Variants in MTUS2 observed in about 807,000 individuals in gnomAD.
MTUS2 encodes the protein microtubule associated scaffold protein 2, also known as microtubule-associated tumor suppressor candidate 2.
In MTUS2, 40 loss-of-function variants were observed where a neutral mutation model predicts 114.1. The observed-to-expected ratio is 0.35, with a 90% confidence interval of 0.27 to 0.46. MTUS2 has a LOEUF of 0.46. Ranked by LOEUF, MTUS2 falls within the 20% of genes least tolerant of loss-of-function variation. MTUS2 has a pLI of 1.00. For synonymous variants in MTUS2, 688 were observed against 672.0 expected (o/e 1.02, Z -0.37); for missense variants, 1,679 against 1,705.4 (o/e 0.98, Z 0.27).
At chr13:28,920,131 T>C (rs1880964963) in intron 2 of MTUS2, among the ~76,000 whole-genome samples, 1 of 152,216 alleles carries the variant, frequency 6.6e-6, no homozygotes, top group Admixed American at 6.5e-5. Flanking sequence ...TGCTTATAGA[T>C]GTTCATCAGT....
chr13:29,307,363 TG>T, intron 6 of MTUS2: 1 of 766,832 alleles, frequency 1.3e-6, no homozygotes, highest in Non-Finnish European at 2.3e-6. Context: ...CAGGAGACTG[TG>T]GTGTGATAGC....
At chr13:29,201,955 C>G (rs1056865341) in intron 5 of MTUS2, among the ~76,000 whole-genome samples, 1 of 152,142 alleles carries the variant, frequency 6.6e-6, no homozygotes, top group Non-Finnish European at 1.5e-5. Context: ...TTCATTTCAA[C>G]CTTGGTGAAT....
At chr13:29,459,395 C>T (rs568591151) in intron 9 of MTUS2, among the ~76,000 whole-genome samples, 50 of 152,210 alleles carry the variant, frequency 3.3e-4, no homozygotes, top group South Asian at 4.2e-4. Context: ...GATTATAATT[C>T]GGAAGTGTGT....
chr13:28,873,222 G>A (rs1877727372), intron 2 of MTUS2, among the ~76,000 whole-genome samples: 1 of 152,174 alleles, frequency 6.6e-6, no homozygotes, highest in Admixed American at 6.5e-5. Context: ...ACATGTTTGA[G>A]TTCCTTGAAC....
chr13:29,129,691 A>C (rs1199560623), intron 5 of MTUS2, among the ~76,000 whole-genome samples: 1 of 152,110 alleles, frequency 6.6e-6, no homozygotes, highest in East Asian at 1.9e-4. Context: ...ATGATACGTG[A>C]TTGTGAGTGA....
At chr13:29,019,838 C>T (rs1428213177) in intron 2 of MTUS2, among the ~76,000 whole-genome samples, 1 of 152,238 alleles carries the variant, frequency 6.6e-6, no homozygotes, top group African/African-American at 2.4e-5. Flanking sequence ...CCTGGTGCTA[C>T]ACGGTGTACT....
chr13:28,857,355 G>T (rs1161462), intron 2 of MTUS2, among the ~76,000 whole-genome samples: 98,432 of 152,032 alleles, frequency 0.65, 35,106 homozygotes, highest in Non-Finnish European at 0.79. Flanking sequence ...TTCCTAGAGG[G>T]ATGGAAGATC....
At chr13:29,265,173 A>G (rs893562674) in intron 5 of MTUS2, among the ~76,000 whole-genome samples, 1 of 152,224 alleles carries the variant, frequency 6.6e-6, no homozygotes, top group East Asian at 1.9e-4. Flanking sequence ...AATTCTATAA[A>G]TCATCACTCC....
rs112719910 is a variant in MTUS2, at chr13:28,823,355, C to G, written c.-316+2744C>G. 4.7e-3 allele frequency among the ~76,000 whole-genome samples: 712 copies of G among 152,334 alleles called. 3 individuals are homozygous for G. Among genetic ancestry groups the G allele is most frequent in the Non-Finnish European group, 8.3e-3 (567 of 68,026 alleles). Reference sequence around the variant, plus strand: ...TGAGCAAGTGGGAGGCTTATAATATCTACCACACACATGTTTGAAACGAGT... The same window carrying G: ...TGAGCAAGTGGGAGGCTTATAATATGTACCACACACATGTTTGAAACGAGT... On this transcript the variant is annotated intron_variant, in intron 1 of 15. Transcript: ENST00000612955.
intron 11 of MTUS2, among the ~76,000 whole-genome samples, chr13:29,491,306 G>A (rs1034126336): frequency 9.3e-5 from 14 of 150,738 alleles, no homozygotes; most frequent in African/African-American, 2.7e-4. Flanking sequence ...GTGTGCAGGC[G>A]TGGCAGGTTA....
intron 8 of MTUS2, among the ~76,000 whole-genome samples, chr13:29,400,907 A>G (rs1874284852): frequency 6.6e-6 from 1 of 152,202 alleles, no homozygotes; most frequent in Admixed American, 6.5e-5. Context: ...CAGATTGTTC[A>G]TCTTTTGCAT....
At chr13:29,469,846 TA>T (rs542041385) in intron 9 of MTUS2, among the ~76,000 whole-genome samples, 37 of 148,560 alleles carry the variant, frequency 2.5e-4, no homozygotes, top group East Asian at 1.4e-3. Context: ...TTAGTTTTTT[TA>T]AAAAAAAAAG....
At chr13:29,115,095 AT>A (rs1024453188) in intron 5 of MTUS2, among the ~76,000 whole-genome samples, 3 of 152,084 alleles carry the variant, frequency 2.0e-5, no homozygotes, top group Non-Finnish European at 4.4e-5. Context: ...TGAAATGTAG[AT>A]TTTTTTTATC....
intron 4 of MTUS2, among the ~76,000 whole-genome samples, chr13:29,038,545 G>T (rs1458141758): frequency 6.6e-6 from 1 of 152,234 alleles, no homozygotes; most frequent in East Asian, 1.9e-4. Flanking sequence ...GAGGCAGTCT[G>T]ACCCTTAGCA....
intron 5 of MTUS2, among the ~76,000 whole-genome samples, chr13:29,206,168 T>C (rs1895177245): frequency 6.6e-6 from 1 of 152,246 alleles, no homozygotes; most frequent in African/African-American, 2.4e-5. Flanking sequence ...TTAGTGATGA[T>C]GAACATTTTT....
intron 5 of MTUS2, among the ~76,000 whole-genome samples, chr13:29,190,371 A>G (rs902557905): frequency 2.6e-5 from 4 of 152,244 alleles, no homozygotes; most frequent in African/African-American, 9.6e-5. Context: ...AAACTGAGGC[A>G]AAGAAAACCT....
Position 29,359,295 on chromosome 13 carries a change from A to G in MTUS2, c.2939A>G (p.Asn980Ser). Residue 980 changes from asparagine to serine, a missense_variant, in exon 8 of 16, where the codon AAT becomes AGT. By Grantham distance (46) the Asn-to-Ser change is conservative. Coordinates refer to ENST00000612955, the MANE Select transcript of MTUS2 (RefSeq NM_001033602.4). ...AAGCAGAGGACTGCGGCAGCTCGAA[A>G]TGGGTTTCCGCCCAAGCCGGACCCG... ...YPKQRTAAARNGFPPKPDPQA... is the reference protein window; with the variant it reads ...YPKQRTAAARSGFPPKPDPQA... 1 of 1,607,094 alleles carries G rather than the reference A, an allele frequency of 6.2e-7. No individual in the cohort carries two copies.
intron 1 of MTUS2, among the ~76,000 whole-genome samples, chr13:28,825,854 C>T (rs1429005172): frequency 2.0e-5 from 3 of 152,168 alleles, no homozygotes; most frequent in African/African-American, 7.2e-5. Flanking sequence ...ATCACAGCAG[C>T]TTGAGTGAGC....
At chr13:29,283,636 G>C (rs1272163094) in intron 6 of MTUS2, among the ~76,000 whole-genome samples, 3 of 152,176 alleles carry the variant, frequency 2.0e-5, no homozygotes, top group Non-Finnish European at 4.4e-5. Context: ...GCTATCCCCA[G>C]AGTTATTGGT....
Sources: allele counts gnomAD v4.1 joint callset (sites outside exome capture counted in the v4.1 genomes callset), GRCh38; gene constraint gnomAD v4.1.1; transcripts MANE v1.5; gene names NCBI Gene and HGNC (gene_info 2026-07-23, HGNC 2026-07-21).